The following EIF4E2 variants were observed in gnomAD, a reference collection of about 807,000 sequenced individuals.
The protein encoded by EIF4E2 is eukaryotic translation initiation factor 4E type 2.
A neutral mutation model predicts 34.2 loss-of-function variants in EIF4E2; 13 were observed. That is an observed-to-expected ratio of 0.38 (90% CI 0.25 to 0.60). The LOEUF (loss-of-function observed/expected upper bound fraction) is 0.60, where lower values mean the gene tolerates loss of function less well. Among genes scored for constraint, EIF4E2 ranks in the 20% least tolerant of loss-of-function variants. The pLI is 0.62. For synonymous variants in EIF4E2, 100 were observed against 106.6 expected, an observed-to-expected ratio of 0.94 and a Z score of 0.38; for missense variants, 222 against 315.1, an observed-to-expected ratio of 0.70 and a Z score of 2.24.
downstream of EIF4E2, among the ~76,000 whole-genome samples, chr2:232,570,912 G>GA (rs1243699656): frequency 1.3e-5 from 2 of 152,174 alleles, no homozygotes; most frequent in Non-Finnish European, 2.9e-5. Context: ...ACTCCAGCCT[G>GA]AGCAACAAGA....
intron 6 of EIF4E2, among the ~76,000 whole-genome samples, chr2:232,578,636 A>G (rs1352558686): frequency 1.3e-5 from 2 of 152,076 alleles, no homozygotes; most frequent in African/African-American, 2.4e-5. Flanking sequence ...AAAAAAAAAA[A>G]TCTGAATGAG....
intron 6 of EIF4E2, among the ~76,000 whole-genome samples, chr2:232,578,105 C>T (rs1693263680): frequency 6.6e-6 from 1 of 152,162 alleles, no homozygotes; most frequent in Admixed American, 6.5e-5. Context: ...AAGGCTGGAC[C>T]AAAGCCATAG....
chr2:232,580,346 G>A (rs76172264), intron 6 of EIF4E2, among the ~76,000 whole-genome samples: 28 of 152,208 alleles, frequency 1.8e-4, no homozygotes, highest in Non-Finnish European at 2.2e-4. Context: ...AAAAGAAAGG[G>A]GGGGAGAGAG....
chr2:232,569,313 A>G, downstream of EIF4E2: 1 of 1,125,148 alleles, frequency 8.9e-7, no homozygotes, highest in Non-Finnish European at 1.1e-6. Flanking sequence ...ATGGAGGGCC[A>G]TCCGGGGAAT....
chr2:232,569,559 G>A (rs1002646461), downstream of EIF4E2, among the ~76,000 whole-genome samples: 8 of 152,142 alleles, frequency 5.3e-5, no homozygotes, highest in African/African-American at 1.2e-4. Context: ...CCTTTGCTTC[G>A]CTGACTTCCA....
At chr2:232,551,105 C>T in intron 1 of EIF4E2, 1 of 601,094 alleles carries the variant, frequency 1.7e-6, no homozygotes, top group Non-Finnish European at 3.2e-6. Context: ...GGCAGCGCTG[C>T]CTCTGAATCC....
Position 232,566,233 on chromosome 2 carries a change from C to G in EIF4E2, c.376-596C>G, listed in dbSNP as rs553540276. Among the ~76,000 whole-genome samples the G allele has an allele frequency of 6.6e-6, 1 of 152,082 alleles. No homozygotes were observed. The highest frequency in any genetic ancestry group is 1.5e-5 in the Non-Finnish European group (1 of 68,026). On this transcript the variant is annotated intron_variant, in intron 4 of 6. Transcript: ENST00000258416. This position sits in a 1 kb window ranked among gnomAD's most constrained non-coding sequence, Gnocchi z 4.9. ...ACGGAGTCTTGCTGTGTTTCCCAGG[C>G]GGGAGTGCAGTGGCACGATCTCGGC...
chr2:232,567,257 G>T (rs754063613), intron 6 of EIF4E2, 43 bp downstream of exon 6: 1 of 1,611,848 alleles, frequency 6.2e-7, no homozygotes, highest in Non-Finnish European at 8.5e-7. Context: ...CCTAAGCTTA[G>T]TATAAGTAGA....
intron 3 of EIF4E2, among the ~76,000 whole-genome samples, chr2:232,563,738 C>A (rs1550095): frequency 1.3e-3 from 198 of 152,112 alleles, no homozygotes; most frequent in Middle Eastern, 3.4e-3. Context: ...CTTATGCTTA[C>A]TAACTAAACA....
intron 6 of EIF4E2, among the ~76,000 whole-genome samples, chr2:232,575,844 A>G (rs1281324028): frequency 1.3e-5 from 2 of 152,170 alleles, no homozygotes; most frequent in Non-Finnish European, 2.9e-5. Context: ...GTTATTTCTA[A>G]GATTTTTTTG....
rs757664712 is a variant in EIF4E2 at position 232,568,972 on chromosome 2, G to C, written c.693G>C (p.Arg231Ser). The C allele has an allele frequency of 4.8e-5, 78 of 1,614,018 alleles. No homozygotes were observed. The highest frequency in any genetic ancestry group is 4.0e-4 in the Admixed American group (24 of 59,992). ...TGCCAGGCAGGCTGGGCCCCCAAAGGCTCCTTTTTCAAAACCTCTGGAAGC... is the reference window on the plus strand; with the variant it reads ...TGCCAGGCAGGCTGGGCCCCCAAAGCCTCCTTTTTCAAAACCTCTGGAAGC... ...IKMPGRLGPQ[R>S]LLFQNLWKPR... Residue 231 changes from arginine (R) to serine (S), a missense_variant, in exon 7 of 7, where the codon AGG (arginine) becomes AGC (serine). This residue lies in a region of EIF4E2 where 30 missense variants were observed against 26.3 expected (regional missense o/e 1.14). Coordinates refer to ENST00000258416, the MANE Select transcript of EIF4E2 (RefSeq NM_004846.4).
At chr2:232,558,750 A>AT (rs780169598) in intron 3 of EIF4E2, 1 of 152,130 alleles carries the variant, frequency 6.6e-6, no homozygotes, top group Non-Finnish European at 1.5e-5. Flanking sequence ...AAAGTTTTGT[A>AT]TTTAAGAACC....
intron 6 of EIF4E2, chr2:232,568,578 C>T: frequency 1.0e-5 from 10 of 985,452 alleles, no homozygotes; most frequent in Non-Finnish European, 1.2e-5. Flanking sequence ...TGAATATCCC[C>T]TACTCCCACT....
chr2:232,569,887 A>G (rs1395175580), downstream of EIF4E2: 1 of 152,076 alleles, frequency 6.6e-6, no homozygotes, highest in Non-Finnish European at 1.5e-5. Flanking sequence ...GCTCTGTAGG[A>G]TATCTGACCG....
intron 3 of EIF4E2, among the ~76,000 whole-genome samples, chr2:232,561,941 A>T (rs543832780): frequency 9.2e-5 from 14 of 151,870 alleles, no homozygotes; most frequent in Non-Finnish European, 1.8e-4. Flanking sequence ...CAGGCCAGGC[A>T]CAGTAGCTAA....
chr2:232,573,928 G>C, downstream of EIF4E2: 1 of 473,388 alleles, frequency 2.1e-6, no homozygotes, highest in Non-Finnish European at 4.1e-6. Context: ...CTGTAAATTG[G>C]AAGTGTTTTT....
intron 3 of EIF4E2, among the ~76,000 whole-genome samples, chr2:232,559,396 A>G (rs1190435): frequency 0.3 from 44,074 of 148,588 alleles, 7,071 homozygotes; most frequent in Admixed American, 0.4. Context: ...GGTTTTCTCC[A>G]ACAGTCTTGC....
At chr2:232,580,082 T>G (rs1693308715) in intron 6 of EIF4E2, among the ~76,000 whole-genome samples, 1 of 101,134 alleles carries the variant, frequency 9.9e-6, no homozygotes, top group Admixed American at 1.2e-4. Flanking sequence ...CCCACATACA[T>G]ACCACACACA....
At chr2:232,571,987 G>C (rs1347494140), downstream of EIF4E2, among the ~76,000 whole-genome samples, 3 of 152,210 alleles carry the variant, frequency 2.0e-5, no homozygotes, top group African/African-American at 7.2e-5. Flanking sequence ...CACAGGATTT[G>C]CTTTCTGGTA....
Sources: allele counts gnomAD v4.1 joint callset (sites outside exome capture counted in the v4.1 genomes callset), GRCh38; gene constraint gnomAD v4.1.1; regional missense constraint gnomAD v4.1.1; non-coding constraint Gnocchi (gnomAD v3.1); transcripts MANE v1.5; gene names NCBI Gene and HGNC (gene_info 2026-07-23, HGNC 2026-07-21).